The following KCNK1 variants were observed in gnomAD, a reference collection of about 807,000 sequenced individuals.
KCNK1 encodes the protein potassium channel subfamily K member 1.
KCNK1 carries 10 observed loss-of-function variants against 22.2 expected under a neutral mutation model. The observed-to-expected ratio is 0.45, with a 90% CI of 0.28 to 0.76. The LOEUF (loss-of-function observed/expected upper bound fraction) is 0.76. KCNK1 is among the 30% of genes least tolerant of loss of function. KCNK1 has a pLI of 0.14. For synonymous variants in KCNK1, 200 were observed against 186.4 expected, an observed-to-expected ratio of 1.07 and a Z score of -0.60; for missense variants, 378 against 421.0, an observed-to-expected ratio of 0.90 and a Z score of 0.89.
chr1:233,670,218 G>T (rs1014987313), intron 2 of KCNK1, among the ~76,000 whole-genome samples: 10 of 152,092 alleles, frequency 6.6e-5, no homozygotes, highest in Non-Finnish European at 1.5e-4. Context: ...TGAGTCAACA[G>T]TTATCCTTCA....
intron 1 of KCNK1, among the ~76,000 whole-genome samples, chr1:233,634,324 A>C (rs1459241456): frequency 1.3e-5 from 2 of 151,940 alleles, no homozygotes; most frequent in African/African-American, 4.8e-5. Flanking sequence ...ACAACAAAAA[A>C]AAAAAAAAAG....
intron 2 of KCNK1, among the ~76,000 whole-genome samples, chr1:233,670,631 A>G (rs1210974626): frequency 6.6e-6 from 1 of 152,106 alleles, no homozygotes; most frequent in Non-Finnish European, 1.5e-5. Context: ...ATCTCGTGAG[A>G]CTTATTCACT....
intron 1 of KCNK1, among the ~76,000 whole-genome samples, chr1:233,616,941 C>A (rs533070052): frequency 6.6e-6 from 1 of 151,890 alleles, no homozygotes; most frequent in South Asian, 2.1e-4. Context: ...TAGAGTAAAG[C>A]TGATGTGCTT....
At chr1:233,623,780 G>C (rs1446919048) in intron 1 of KCNK1, among the ~76,000 whole-genome samples, 1 of 152,072 alleles carries the variant, frequency 6.6e-6, no homozygotes, top group Non-Finnish European at 1.5e-5. Context: ...GTAGGGACAG[G>C]GTTTTGCCAT....
chr1:233,618,477 C>T (rs1474980761), intron 1 of KCNK1, among the ~76,000 whole-genome samples: 1 of 151,680 alleles, frequency 6.6e-6, no homozygotes, highest in Non-Finnish European at 1.5e-5. Flanking sequence ...CCATCTAAAA[C>T]TTTGGACAGT....
chr1:233,631,312 G>T (rs746026545), intron 1 of KCNK1: 2 of 530,864 alleles, frequency 3.8e-6, no homozygotes, highest in Non-Finnish European at 7.7e-6. Flanking sequence ...AACCCCTAAT[G>T]TGTGTTTAAC....
intron 1 of KCNK1, among the ~76,000 whole-genome samples, chr1:233,642,411 CAG>C (rs550552118): frequency 4.4e-4 from 67 of 152,294 alleles, no homozygotes; most frequent in African/African-American, 1.6e-3. Flanking sequence ...TAGGGACAGA[CAG>C]GGGACAAGGG....
intron 1 of KCNK1, among the ~76,000 whole-genome samples, chr1:233,637,941 A>G (rs1426671925): frequency 1.3e-5 from 2 of 151,836 alleles, no homozygotes; most frequent in Admixed American, 6.6e-5. Flanking sequence ...AATATTTACT[A>G]TTTATCATGC....
At chr1:233,650,002 T>C (rs1356894304) in intron 1 of KCNK1, 2 of 533,340 alleles carry the variant, frequency 3.7e-6, no homozygotes, top group Non-Finnish European at 7.7e-6. Context: ...GTGAGAGCCT[T>C]TCAAGTGCCT....
In KCNK1 at chr1:233,671,629, T is replaced by C. The variant is rs1434820525; in HGVS notation, c.*99T>C. ...TATCAGAATGCAAAAGCGAAAATTA[T>C]GTCACTTTAAGAAATAGCTACTGTT... On this transcript the variant is annotated 3_prime_UTR_variant, in exon 3 of 3. Coordinates refer to ENST00000366621, the MANE Select transcript of KCNK1 (RefSeq NM_002245.4). The C allele has an allele frequency of 1.4e-6, 2 of 1,388,374 alleles. No individual in the cohort carries two copies. The highest frequency in any genetic ancestry group is 2.0e-6 in the Non-Finnish European group (2 of 1,011,028). 86.0% of individuals were successfully genotyped at this position (1,388,374 alleles called of 1,614,324 possible).
intron 1 of KCNK1, among the ~76,000 whole-genome samples, chr1:233,665,378 T>C (rs186898515): frequency 6.6e-6 from 1 of 152,362 alleles, no homozygotes; most frequent in East Asian, 1.9e-4. Flanking sequence ...TGCATGGAAT[T>C]CCAAGGAGGG....
chr1:233,614,198 G>A lies in KCNK1; in HGVS notation c.27G>A (p.Ser9=). MLQSLAGS[S]CVRLVERHRS... ...TGCTGCAGTCCCTGGCCGGCAGCTC[G>A]TGCGTGCGCCTGGTGGAGCGGCACC... The change falls in exon 1 of 3, where the codon TCG becomes TCA. Residue 9 remains serine, a synonymous_variant. Coordinates refer to ENST00000366621, the MANE Select transcript of KCNK1 (RefSeq NM_002245.4). 6.2e-7 allele frequency: 1 copy of A among 1,607,912 alleles called. No homozygotes were observed.
chr1:233,639,738 A>G (rs910136112), intron 1 of KCNK1, among the ~76,000 whole-genome samples: 1 of 152,208 alleles, frequency 6.6e-6, no homozygotes, highest in Non-Finnish European at 1.5e-5. Flanking sequence ...CATCTCGTGA[A>G]CGTGGCATTG....
intron 1 of KCNK1, among the ~76,000 whole-genome samples, chr1:233,637,883 G>T (rs1657930195): frequency 6.6e-6 from 1 of 152,008 alleles, no homozygotes; most frequent in Admixed American, 6.6e-5. Flanking sequence ...TTCTCAATGG[G>T]TTGTGGAGGG....
In KCNK1 at chr1:233,636,029, A is replaced by G. The variant is rs150865203; in HGVS notation, c.355+21503A>G. Among the ~76,000 whole-genome samples, 4 of 152,330 alleles carry G rather than the reference A, an allele frequency of 2.6e-5. No homozygotes were observed. In the East Asian group the frequency reaches 5.8e-4, roughly 22 times the overall value. On this transcript the variant is annotated intron_variant, in intron 1 of 2. Transcript: ENST00000366621. ...TCAGGCCATGCGGGCAGCCACGTGC[A>G]AAGGCCCTGAGCCAGGAGTATACCT...
At chr1:233,635,157 T>A (rs1050669464) in intron 1 of KCNK1, among the ~76,000 whole-genome samples, 1 of 152,242 alleles carries the variant, frequency 6.6e-6, no homozygotes, top group Non-Finnish European at 1.5e-5. Context: ...TAACAGCAGT[T>A]ATCAATTTGT....
At chr1:233,620,738 C>T (rs1338066450) in intron 1 of KCNK1, among the ~76,000 whole-genome samples, 4 of 152,152 alleles carry the variant, frequency 2.6e-5, no homozygotes, top group African/African-American at 9.7e-5. Context: ...TTTTAATTAT[C>T]TGGTTTTCAA....
chr1:233,667,049 A>G, intron 2 of KCNK1, 59 bp downstream of exon 2: 1 of 1,275,494 alleles, frequency 7.8e-7, no homozygotes. Flanking sequence ...TTATTTATTT[A>G]TTTATTTATT....
chr1:233,619,785 C>T (rs1558106924), intron 1 of KCNK1, among the ~76,000 whole-genome samples: 1 of 151,954 alleles, frequency 6.6e-6, no homozygotes, highest in Non-Finnish European at 1.5e-5. Flanking sequence ...TGGTGCACAC[C>T]TGTAATCCCA....
Sources: allele counts gnomAD v4.1 joint callset (sites outside exome capture counted in the v4.1 genomes callset), GRCh38; gene constraint gnomAD v4.1.1; transcripts MANE v1.5; gene names NCBI Gene and HGNC (gene_info 2026-07-23, HGNC 2026-07-21).